RARB: variants seen among roughly 807,000 people sequenced by gnomAD.
RARB encodes the protein retinoic acid receptor beta.
RARB carries 17 observed loss-of-function variants against 51.9 expected under a neutral mutation model. The observed-to-expected ratio is 0.33, with a 90% CI of 0.22 to 0.49. The LOEUF is 0.49. Ranked by LOEUF, RARB falls within the 20% of genes least tolerant of loss-of-function variation. The pLI is 0.99. For missense variants in RARB, 369 were observed against 550.8 expected (o/e 0.67, Z 3.30); for synonymous variants, 215 against 195.4 (o/e 1.10, Z -0.84).
At chr3:25,265,265 G>C (rs60376789) in intron 5 of RARB, among the ~76,000 whole-genome samples, 1 of 151,986 alleles carries the variant, frequency 6.6e-6, no homozygotes, top group East Asian at 1.9e-4. Context: ...AAGACCAATT[G>C]CTTAATTATT....
chr3:24,896,156 T>G (rs1386977417), intron 2 of RARB, among the ~76,000 whole-genome samples: 1 of 152,202 alleles, frequency 6.6e-6, no homozygotes, highest in African/African-American at 2.4e-5. Context: ...AACCTGGAAT[T>G]GTGAAAATCC....
At chr3:25,556,917 C>G (rs1301815239) in intron 3 of RARB, among the ~76,000 whole-genome samples, 1 of 152,188 alleles carries the variant, frequency 6.6e-6, no homozygotes, top group Non-Finnish European at 1.5e-5. Context: ...ATTGGAATTT[C>G]TCTCATCTTT....
chr3:25,206,243 A>C (rs1362533790), intron 5 of RARB, among the ~76,000 whole-genome samples: 1 of 152,232 alleles, frequency 6.6e-6, no homozygotes, highest in Non-Finnish European at 1.5e-5. Flanking sequence ...ATGCAGTTTA[A>C]AACAGCTTTT....
At chr3:24,974,580 A>G (rs911470452) in intron 2 of RARB, among the ~76,000 whole-genome samples, 10 of 152,152 alleles carry the variant, frequency 6.6e-5, no homozygotes, top group Admixed American at 4.6e-4. Flanking sequence ...CATTACATCA[A>G]TAATCTCTTA....
At chr3:24,844,028 T>C (rs2125331761) in intron 1 of RARB, among the ~76,000 whole-genome samples, 1 of 152,200 alleles carries the variant, frequency 6.6e-6, no homozygotes, top group Non-Finnish European at 1.5e-5. Context: ...CACAAGTAGA[T>C]CCTCAATAAA....
intron 2 of RARB, among the ~76,000 whole-genome samples, chr3:24,881,041 G>T (rs1344356029): frequency 4.6e-5 from 7 of 152,164 alleles, no homozygotes; most frequent in Admixed American, 3.9e-4. Context: ...GGATCATGGG[G>T]TTGGTTTCCC....
At chr3:25,243,717 T>C (rs980120658) in intron 5 of RARB, among the ~76,000 whole-genome samples, 3 of 152,180 alleles carry the variant, frequency 2.0e-5, no homozygotes, top group Non-Finnish European at 4.4e-5. Flanking sequence ...TTGCCAGTAT[T>C]TTATTGAGGA....
chr3:25,387,587 G>T (rs1706833115), intron 5 of RARB, among the ~76,000 whole-genome samples: 1 of 152,006 alleles, frequency 6.6e-6, no homozygotes, highest in African/African-American at 2.4e-5. Flanking sequence ...TATGTCCCAG[G>T]CTCCCTCCCC....
chr3:25,048,491 T>C (rs1698260845), intron 2 of RARB, among the ~76,000 whole-genome samples: 1 of 152,216 alleles, frequency 6.6e-6, no homozygotes. Flanking sequence ...CAAGGGCTTA[T>C]TTCATTATAC....
At chr3:25,562,466 C>G (rs1700312698) in intron 3 of RARB, among the ~76,000 whole-genome samples, 1 of 152,126 alleles carries the variant, frequency 6.6e-6, no homozygotes, top group Admixed American at 6.5e-5. Flanking sequence ...CCTCTTTGGA[C>G]AGGATTTAGG....
chr3:25,267,223 C>A (rs780940654), intron 5 of RARB, among the ~76,000 whole-genome samples: 11 of 152,184 alleles, frequency 7.2e-5, no homozygotes, highest in Admixed American at 2.6e-4. Context: ...TACTAAGCAC[C>A]TTCATTTTAA....
chr3:25,053,080 C>A (rs139053971), intron 2 of RARB, among the ~76,000 whole-genome samples: 1 of 151,906 alleles, frequency 6.6e-6, no homozygotes, highest in Non-Finnish European at 1.5e-5. Flanking sequence ...TGGAAAGTAT[C>A]CTTAAGGAAA....
At chr3:24,899,092 C>T (rs952020795) in intron 2 of RARB, among the ~76,000 whole-genome samples, 1 of 152,182 alleles carries the variant, frequency 6.6e-6, no homozygotes, top group African/African-American at 2.4e-5. Context: ...GGCCCTGCCC[C>T]TGACCTTCCA....
intron 2 of RARB, among the ~76,000 whole-genome samples, chr3:25,500,293 G>T (rs916035614): frequency 6.6e-6 from 1 of 151,846 alleles, no homozygotes; most frequent in Non-Finnish European, 1.5e-5. Context: ...CCATTAAATG[G>T]GCAGACACTC....
rs148309340 is a variant in RARB, at chr3:24,990,742, C to G, written c.-379-69383C>G. Among the ~76,000 whole-genome samples the G allele has an allele frequency of 2.2e-3, 326 of 151,046 alleles. 106 individuals carry two copies. The highest frequency in any genetic ancestry group is 7.6e-3 in the African/African-American group (314 of 41,064). ...CTGCCTCCTCATTATTACTCTTCTTCAAATTTTCTTTTGACTCTTCTTTTA... is the reference window on the plus strand; with the variant it reads ...CTGCCTCCTCATTATTACTCTTCTTGAAATTTTCTTTTGACTCTTCTTTTA... On this transcript the variant is annotated intron_variant, in intron 2 of 11. Transcript: ENST00000383772.
intron 5 of RARB, among the ~76,000 whole-genome samples, chr3:25,189,246 G>A: frequency 6.6e-6 from 1 of 152,116 alleles, no homozygotes; most frequent in East Asian, 1.9e-4. Context: ...CCTGTCTCCA[G>A]GTACATCGCT....
In RARB at chr3:24,876,854, C is replaced by G. The variant is rs17015368; in HGVS notation, c.-380+18102C>G. On this transcript the variant is annotated intron_variant, in intron 2 of 11. Transcript: ENST00000383772. ...TGGCATTTCATTTATCAGATATTTA[C>G]TATTGATGGATGCAATGTCCTTCCC... is the stretch of plus-strand genomic sequence containing the variant. Among the ~76,000 whole-genome samples, 706 of 152,234 alleles carry G rather than the reference C, an allele frequency of 4.6e-3. 2 individuals carry two copies. The highest frequency in any genetic ancestry group is 0.016 in the African/African-American group (665 of 41,554).
intron 5 of RARB, among the ~76,000 whole-genome samples, chr3:25,199,225 A>C (rs1429944142): frequency 1.3e-5 from 2 of 152,038 alleles, no homozygotes; most frequent in Non-Finnish European, 2.9e-5. Flanking sequence ...GGTCTCACTT[A>C]TTTGAGGGAG....
At chr3:24,891,370 G>A (rs1703375125) in intron 2 of RARB, among the ~76,000 whole-genome samples, 1 of 152,112 alleles carries the variant, frequency 6.6e-6, no homozygotes, top group Middle Eastern at 3.4e-3. Flanking sequence ...AGAAGCCTCG[G>A]GAAAGTTACT....
Sources: gnomAD v4.1 joint callset for allele counts (sites outside exome capture counted in the v4.1 genomes callset) on GRCh38, gnomAD v4.1.1 for gene constraint, MANE v1.5 for transcripts, NCBI Gene and HGNC (gene_info 2026-07-23, HGNC 2026-07-21) for gene names.